Variants in MCF2 observed in about 807,000 individuals in gnomAD.
The protein encoded by MCF2 is proto-oncogene DBL.
In MCF2, 44 loss-of-function variants were observed where a neutral mutation model predicts 82.5. The observed-to-expected ratio is 0.53, with a 90% CI of 0.42 to 0.69. The LOEUF (loss-of-function observed/expected upper bound fraction) is 0.69, where lower values mean the gene tolerates loss of function less well. Among genes scored for constraint, MCF2 ranks in the 30% least tolerant of loss-of-function variants. The pLI, the probability that MCF2 is intolerant of heterozygous loss-of-function variation, is 0.00. For missense variants in MCF2, 623 were observed against 663.1 expected (o/e 0.94, Z 0.66); for synonymous variants, 217 against 224.9 (o/e 0.96, Z 0.32).
At position 139,625,657 on chromosome X, in the gene MCF2, T is replaced by C. The variant is rs1179759261; in HGVS notation, c.687+536A>G. On this transcript the variant is annotated intron_variant, in intron 6 of 24. Coordinates refer to ENST00000370576, the Ensembl canonical transcript of MCF2. ...GCAAAAGGAAAAGAAACTAAATCTA[T>C]GCATCTTGACCATATATGATGGATT... Among the ~76,000 whole-genome samples the C allele has an allele frequency of 2.7e-5, 3 of 111,937 alleles. No homozygotes were observed. The Admixed American group carries it at 2.9e-4, about 11-fold the overall frequency.
intron 1 of MCF2, among the ~76,000 whole-genome samples, chrX:139,667,331 C>T (rs140723607): frequency 0.026 from 2,843 of 109,605 alleles, 98 homozygotes; most frequent in African/African-American, 0.09. Context: ...TAGTCCCAGT[C>T]ATCAGGGTTC....
chrX:139,627,836 T>C (rs370180310), intron 4 of MCF2, among the ~76,000 whole-genome samples: 27 of 112,058 alleles, frequency 2.4e-4, no homozygotes, highest in African/African-American at 7.8e-4. Flanking sequence ...ATGCAGTTTG[T>C]GAAAAACAGA....
chrX:139,691,432 G>C (rs939682821), intron 1 of MCF2, among the ~76,000 whole-genome samples: 2 of 112,099 alleles, frequency 1.8e-5, no homozygotes, highest in Non-Finnish European at 3.8e-5. Flanking sequence ...CAAAGAGGCT[G>C]GGTTCTGGTG....
chrX:139,673,132 G>C (rs1434861995), intron 1 of MCF2, among the ~76,000 whole-genome samples: 7 of 111,807 alleles, frequency 6.3e-5, no homozygotes, highest in Admixed American at 3.8e-4. Flanking sequence ...TCTAATGGTA[G>C]TTTGTATTTC....
At chrX:139,605,933 T>C (rs1485819104) in intron 12 of MCF2, among the ~76,000 whole-genome samples, 154 bp from the exon 17 acceptor site, 2 of 107,843 alleles carry the variant, frequency 1.9e-5, no homozygotes, top group African/African-American at 6.7e-5. Flanking sequence ...ACTACTTTTA[T>C]GGTTTCTAGA....
At chrX:139,640,000 T>A (rs1933470699) in intron 1 of MCF2, among the ~76,000 whole-genome samples, 1 of 111,026 alleles carries the variant, frequency 9.0e-6, no homozygotes. Context: ...TATTATTCCC[T>A]TTTTACAGAG....
chrX:139,656,619 A>C (rs1161830614), intron 1 of MCF2, among the ~76,000 whole-genome samples: 1 of 112,188 alleles, frequency 8.9e-6, no homozygotes, highest in Non-Finnish European at 1.9e-5. Context: ...AACAGAAGAC[A>C]CACAGTTATC....
At chrX:139,697,851 T>C (rs1212580368) in intron 1 of MCF2, among the ~76,000 whole-genome samples, 3 of 112,651 alleles carry the variant, frequency 2.7e-5, no homozygotes, top group Admixed American at 1.9e-4. Flanking sequence ...CTTTAAAACT[T>C]GCTTTGGGTC....
At chrX:139,648,321 A>C (rs1262005995) in intron 2 of MCF2, among the ~76,000 whole-genome samples, 1 of 110,814 alleles carries the variant, frequency 9.0e-6, no homozygotes, top group Non-Finnish European at 1.9e-5. Flanking sequence ...GCGGTGAGCC[A>C]AGATCATGCC....
At chrX:139,611,314 C>A (rs1183011470) in intron 10 of MCF2, among the ~76,000 whole-genome samples, 2 of 111,934 alleles carry the variant, frequency 1.8e-5, no homozygotes, top group African/African-American at 6.5e-5. Flanking sequence ...AATATATTTT[C>A]TACCTAAACT....
At chrX:139,614,847 GA>G (rs1183680260) in intron 10 of MCF2, 33 bp downstream of exon 13, 6 of 1,150,889 alleles carry the variant, frequency 5.2e-6, no homozygotes, top group East Asian at 3.0e-5. Flanking sequence ...ACAATAGCAA[GA>G]AAAAAAGAGA....
chrX:139,666,989 A>G (rs1404362241), intron 1 of MCF2, among the ~76,000 whole-genome samples: 1 of 110,994 alleles, frequency 9.0e-6, no homozygotes, highest in African/African-American at 3.3e-5. Context: ...TGCCTGATCT[A>G]GTGTATTATT....
chrX:139,607,770 C>T, exon 12 of MCF2: 1 of 1,190,109 alleles, frequency 8.4e-7, no homozygotes. Context: ...CAATCAGGCA[C>T]CACTTCAATC....
intron 24 of MCF2, 86 bp downstream of exon 28, chrX:139,584,980 T>A (rs971393742): frequency 1.7e-6 from 1 of 578,058 alleles, no homozygotes; most frequent in Admixed American, 3.2e-5. Context: ...TCAAGGATGC[T>A]GACAAAAGAT....
chrX:139,667,908 T>C (rs184885885), intron 1 of MCF2, among the ~76,000 whole-genome samples: 1,149 of 112,012 alleles, frequency 0.01, 17 homozygotes, highest in Admixed American at 0.041. Flanking sequence ...GTAATGCTAG[T>C]GCTTTGGGAG....
At chrX:139,665,182 T>TG (rs1286251829) in intron 1 of MCF2, among the ~76,000 whole-genome samples, 1 of 111,610 alleles carries the variant, frequency 9.0e-6, no homozygotes, top group African/African-American at 3.3e-5. Context: ...CTTCCCTGGC[T>TG]GGTGTCTCAG....
chrX:139,637,721 G>C (rs186828665), intron 1 of MCF2, among the ~76,000 whole-genome samples: 3 of 111,642 alleles, frequency 2.7e-5, no homozygotes, highest in African/African-American at 9.8e-5. Context: ...GAGAAACTGA[G>C]TGCCATTATC....
At chrX:139,654,078 T>C (rs915009937) in intron 1 of MCF2, among the ~76,000 whole-genome samples, 3 of 112,269 alleles carry the variant, frequency 2.7e-5, no homozygotes, top group African/African-American at 9.7e-5. Flanking sequence ...ATATTTTGGC[T>C]ATTGTAAATA....
chrX:139,673,549 A>G (rs1245547167), intron 1 of MCF2, among the ~76,000 whole-genome samples: 1 of 111,703 alleles, frequency 9.0e-6, no homozygotes, highest in South Asian at 3.7e-4. Context: ...GAACATCTTT[A>G]TTTCTGCCTT....
Sources: allele counts gnomAD v4.1 joint callset (sites outside exome capture counted in the v4.1 genomes callset), GRCh38; gene constraint gnomAD v4.1.1; transcripts MANE v1.5; gene names NCBI Gene and HGNC (gene_info 2026-07-23, HGNC 2026-07-21).